CABS1: variants seen among roughly 807,000 people sequenced by gnomAD.
The protein encoded by CABS1 is calcium-binding and spermatid-specific protein 1.
For missense variants in CABS1, 500 were observed against 464.3 expected (o/e 1.08, Z -0.71); for synonymous variants, 195 against 169.0 (o/e 1.15, Z -1.19).
rs1731692433 is a variant in CABS1, at chr4:70,335,239, A to C, written c.200A>C (p.Lys67Thr). Residue 67 changes from lysine to threonine, a missense_variant, in exon 1 of 2, where the codon AAA (lysine) becomes ACA (threonine). Transcript: ENST00000273936. ...ESDFSTTTDN[K>T]LTAKKEKLKS... ...GATTTTTCAACAACTACAGACAACA[A>C]ACTGACAGCTAAAAAGGAAAAACTC... The C allele has an allele frequency of 1.9e-6, 3 of 1,613,642 alleles. No individual in the cohort carries two copies. Among genetic ancestry groups the C allele is most frequent in the Non-Finnish European group, 2.5e-6 (3 of 1,179,828 alleles).
intron 1 of CABS1, 67 bp downstream of exon 1, chr4:70,336,413 T>A: frequency 2.5e-6 from 2 of 800,412 alleles, no homozygotes; most frequent in African/African-American, 1.8e-5. Flanking sequence ...TTACGGAAAC[T>A]TAGAAAAAAA....
In CABS1 at chr4:70,336,142, C is replaced by T; in HGVS notation, c.1103C>T (p.Thr368Ile). 1 of 1,613,168 alleles carries T rather than the reference C, an allele frequency of 6.2e-7. No homozygotes were observed. The highest frequency in any genetic ancestry group is 1.7e-5 in the Admixed American group (1 of 59,912). Residue 368 changes from threonine (T) to isoleucine (I), a missense_variant, in exon 1 of 2, where the codon ACC becomes ATC. Thr to Ile is a moderately conservative substitution (Grantham distance 89, BLOSUM62 -1). Coordinates refer to ENST00000273936, the MANE Select transcript of CABS1 (RefSeq NM_033122.4). ...PFSGTTSVLD[T>I]PDYKEDTSTT... ...TCTGGAACTACCTCTGTATTAGATA[C>T]CCCAGACTATAAGGAAGACACCTCC...
Position 70,335,224 on chromosome 4 carries a change from C to G in CABS1, c.185C>G (p.Thr62Arg). The change falls in exon 1 of 2, where the codon ACA becomes AGA. Residue 62 changes from threonine (T) to arginine (R), a missense_variant. Transcript: ENST00000273936. The stretch of plus-strand genomic sequence containing the variant: ...TATATGCTAGAAAGCGATTTTTCAA[C>G]AACTACAGACAACAAACTGACAGCT... ...NEYMLESDFS[T>R]TTDNKLTAKK... The G allele has an allele frequency of 6.2e-7, 1 of 1,613,630 alleles. No individual in the cohort carries two copies. The highest frequency in any genetic ancestry group is 8.5e-7 in the Non-Finnish European group (1 of 1,179,800).
In CABS1 at chr4:70,335,483, C is replaced by T; in HGVS notation, c.444C>T (p.Thr148=). 6.2e-7 allele frequency: 1 copy of T among 1,613,662 alleles called. No individual in the cohort carries two copies. The highest frequency in any genetic ancestry group is 8.5e-7 in the Non-Finnish European group (1 of 1,179,792). ...CAAAAGAAGATATCCTCTTAGCTAC[C>T]ATTGACACAGGAGATGCAGAGATCT... The part of the protein sequence containing the change: ...DIAKEDILLA[T]IDTGDAEISI... Residue 148 remains threonine, a synonymous_variant, in exon 1 of 2, where the codon ACC becomes ACT. Transcript: ENST00000273936.
rs149882290 is a variant in CABS1 at position 70,336,092 on chromosome 4, T to A, written c.1053T>A (p.Thr351=). 5.6e-6 allele frequency: 9 copies of A among 1,613,240 alleles called. No homozygotes were observed. Among genetic ancestry groups the A allele is most frequent in the Non-Finnish European group, 7.6e-6 (9 of 1,179,514 alleles). The part of the protein sequence containing the change: ...EDLSETDNTE[T]VPKITEPFSG... ...TGTCTGAAACTGATAATACAGAGACTGTACCTAAGATCACTGAGCCATTTT... is the reference window on the plus strand; with the variant it reads ...TGTCTGAAACTGATAATACAGAGACAGTACCTAAGATCACTGAGCCATTTT... Residue 351 remains threonine (T), a synonymous_variant, in exon 1 of 2, where the codon ACT becomes ACA. Coordinates refer to ENST00000273936, the MANE Select transcript of CABS1 (RefSeq NM_033122.4).
rs143420394 is a variant in CABS1, at chr4:70,335,120, C to A, written c.81C>A (p.Phe27Leu). ...AAACACCAACTGCAGCAACCATTTT[C>A]TTTGGGGCTGACAATGCTATTCCCA... ...SSKTPTAATI[F>L]FGADNAIPKS... The change falls in exon 1 of 2, where the codon TTC becomes TTA. Residue 27 changes from phenylalanine (F) to leucine (L), a missense_variant. Transcript: ENST00000273936. 1.2e-6 allele frequency: 2 copies of A among 1,613,668 alleles called. No individual in the cohort carries two copies. Among genetic ancestry groups the A allele is most frequent in the African/African-American group, 1.3e-5 (1 of 74,894 alleles).
intron 1 of CABS1, among the ~76,000 whole-genome samples, chr4:70,336,662 A>C (rs999992664): frequency 2.8e-5 from 4 of 143,144 alleles, no homozygotes; most frequent in Non-Finnish European, 6.4e-5. Context: ...TAGCCTAAAA[A>C]GTTCTCCCAA....
chr4:70,335,307 A>G lies in CABS1; in HGVS notation c.268A>G (p.Thr90Ala). 1.2e-6 allele frequency: 2 copies of G among 1,613,764 alleles called. No homozygotes were observed. The highest frequency in any genetic ancestry group is 1.7e-6 in the Non-Finnish European group (2 of 1,179,868). The change falls in exon 1 of 2, where the codon ACT (threonine) becomes GCT (alanine). Residue 90 changes from threonine to alanine, a missense_variant. Coordinates refer to ENST00000273936, the MANE Select transcript of CABS1 (RefSeq NM_033122.4). ...GGGGACCGACTTTATTAAGTCAACA[A>G]CTCACCTACAGAAAGAAATTACCTC... The part of the protein sequence containing the change: ...DMGTDFIKST[T>A]HLQKEITSLT...
At position 70,335,205 on chromosome 4, in the gene CABS1, C is replaced by G; in HGVS notation, c.166C>G (p.Leu56Val). Residue 56 changes from leucine to valine, a missense_variant, in exon 1 of 2, where the codon CTA becomes GTA. Coordinates refer to ENST00000273936, the MANE Select transcript of CABS1 (RefSeq NM_033122.4). ...CGTCACTTCAGTAAATGAATATATG[C>G]TAGAAAGCGATTTTTCAACAACTAC... ...DHVTSVNEYM[L>V]ESDFSTTTDN... The G allele has an allele frequency of 6.2e-7, 1 of 1,613,698 alleles. No homozygotes were observed. Among genetic ancestry groups the G allele is most frequent in the Non-Finnish European group, 8.5e-7 (1 of 1,179,818 alleles).
At chr4:70,336,422 A>G in intron 1 of CABS1, 76 bp downstream of exon 1, 1 of 692,420 alleles carries the variant, frequency 1.4e-6, no homozygotes. Flanking sequence ...CTTAGAAAAA[A>G]AAACCGCAGT....
In CABS1 at chr4:70,335,796, G is replaced by T. The variant is rs774608250; in HGVS notation, c.757G>T (p.Ala253Ser). ...AAGTGTTTTAGAAGATGACACCAGT[G>T]CTGTGGCTACATTAACTGACTCTGA... ...DLSVLEDDTSAVATLTDSDEK... is the reference protein window; with the variant it reads ...DLSVLEDDTSSVATLTDSDEK... The change falls in exon 1 of 2, where the codon GCT becomes TCT. Residue 253 changes from alanine (A) to serine (S), a missense_variant. Transcript: ENST00000273936. 1 of 1,613,586 alleles carries T rather than the reference G, an allele frequency of 6.2e-7. No individual in the cohort carries two copies. Among genetic ancestry groups the T allele is most frequent in the Non-Finnish European group, 8.5e-7 (1 of 1,179,724 alleles).
rs374072903 is a variant in CABS1, at chr4:70,335,814, G to A, written c.775G>A (p.Asp259Asn). ...DDTSAVATLT[D>N]SDEKFITVFE... ...CACCAGTGCTGTGGCTACATTAACT[G>A]ACTCTGATGAGAAGTTTATCACTGT... Residue 259 changes from aspartate (D) to asparagine (N), a missense_variant, in exon 1 of 2, where the codon GAC (aspartate) becomes AAC (asparagine). Transcript: ENST00000273936. 7.4e-6 allele frequency: 12 copies of A among 1,613,444 alleles called. No individual in the cohort carries two copies. Among genetic ancestry groups the A allele is most frequent in the African/African-American group, 2.7e-5 (2 of 74,864 alleles).
In CABS1 at chr4:70,335,646, G is replaced by A. The variant is rs764456613; in HGVS notation, c.607G>A (p.Glu203Lys). Residue 203 changes from glutamate (E) to lysine (K), a missense_variant, in exon 1 of 2, where the codon GAG (glutamate) becomes AAG (lysine). Physicochemically the swap from Glu to Lys is moderately conservative, Grantham distance 56 (BLOSUM62 1). Transcript: ENST00000273936. ...SSIKSNVPAD[E>K]AVQVTDSTIP... The stretch of plus-strand genomic sequence containing the variant: ...CATCAAATCCAATGTCCCTGCTGAT[G>A]AGGCTGTCCAGGTCACTGATTCCAC... The A allele has an allele frequency of 8.7e-6, 14 of 1,613,422 alleles. No homozygotes were observed. In the African/African-American group the frequency reaches 9.3e-5, roughly 11 times the overall value.
rs761904942 is a variant in CABS1 at position 70,335,804 on chromosome 4, T to A, written c.765T>A (p.Ala255=). ...SVLEDDTSAV[A]TLTDSDEKFI... Reference sequence around the variant, plus strand: ...TAGAAGATGACACCAGTGCTGTGGCTACATTAACTGACTCTGATGAGAAGT... The same window carrying A: ...TAGAAGATGACACCAGTGCTGTGGCAACATTAACTGACTCTGATGAGAAGT... Residue 255 remains alanine, a synonymous_variant, in exon 1 of 2, where the codon GCT becomes GCA. Transcript: ENST00000273936. 5 of 1,613,658 alleles carry A rather than the reference T, an allele frequency of 3.1e-6. 1 individual carries two copies. The South Asian group carries it at 5.5e-5, about 18-fold the overall frequency.
rs1487500931 is a variant in CABS1, at chr4:70,337,000, C to A, written c.*154C>A. On this transcript the variant is annotated 3_prime_UTR_variant, in exon 2 of 2. Transcript: ENST00000273936. Reference sequence around the variant, plus strand: ...ACTGAATATCACACTCTTCTTATGACTCTTGTTAGCGATTCAAGGACATAA... The same window carrying A: ...ACTGAATATCACACTCTTCTTATGAATCTTGTTAGCGATTCAAGGACATAA... The A allele has an allele frequency of 6.7e-6, 1 of 149,114 alleles. No individual in the cohort carries two copies. Among genetic ancestry groups the A allele is most frequent in the African/African-American group, 2.4e-5 (1 of 41,178 alleles). The allele number at this position is 149,114 out of a possible 1,614,324, so 9.2% of individuals were successfully genotyped here.
At chr4:70,336,878 G>T (rs1397935807) in intron 1 of CABS1, 88 bp from the exon 2 acceptor site, 6 of 152,274 alleles carry the variant, frequency 3.9e-5, no homozygotes, top group Non-Finnish European at 5.9e-5. Context: ...ATGCATATTT[G>T]TCAGAAAAAT....
rs1018791902 is a variant in CABS1 at position 70,337,066 on chromosome 4, G to A, written c.*220G>A. The A allele has an allele frequency of 6.6e-6, 1 of 152,222 alleles. No individual in the cohort carries two copies. Among genetic ancestry groups the A allele is most frequent in the African/African-American group, 2.4e-5 (1 of 41,376 alleles). The allele number at this position is 152,222 out of a possible 1,614,324, so 9.4% of individuals were successfully genotyped here. On this transcript the variant is annotated 3_prime_UTR_variant, in exon 2 of 2. Transcript: ENST00000273936. The stretch of plus-strand genomic sequence containing the variant: ...TGGCACAGACTACTTAAATGGGTCT[G>A]TTTTCACTTTGCTCATTTTTCTTCA...
At position 70,335,774 on chromosome 4, in the gene CABS1, T is replaced by C. The variant is rs771653842; in HGVS notation, c.735T>C (p.Ser245=). Residue 245 remains serine (S), a synonymous_variant, in exon 1 of 2, where the codon AGT becomes AGC. Coordinates refer to ENST00000273936, the MANE Select transcript of CABS1 (RefSeq NM_033122.4). The part of the protein sequence containing the change: ...EEEKITEIDL[S]VLEDDTSAVA... ...AGAAAATAACCGAAATTGACCTAAG[T>C]GTTTTAGAAGATGACACCAGTGCTG... The C allele has an allele frequency of 2.6e-5, 42 of 1,613,462 alleles. No homozygotes were observed. The East Asian group carries it at 8.7e-4, about 33-fold the overall frequency.
Position 70,335,636 on chromosome 4 carries a change from C to A in CABS1, c.597C>A (p.Val199=). 6.2e-7 allele frequency: 1 copy of A among 1,613,540 alleles called. No individual in the cohort carries two copies. The highest frequency in any genetic ancestry group is 1.1e-5 in the South Asian group (1 of 91,066). ...ATAATTCCTCCATCAAATCCAATGT[C>A]CCTGCTGATGAGGCTGTCCAGGTCA... ...SNYNSSIKSN[V]PADEAVQVTD... Residue 199 remains valine (V), a synonymous_variant, in exon 1 of 2, where the codon GTC becomes GTA. Transcript: ENST00000273936.
Sources: allele counts gnomAD v4.1 joint callset (sites outside exome capture counted in the v4.1 genomes callset), GRCh38; gene constraint gnomAD v4.1.1; transcripts MANE v1.5; gene names NCBI Gene and HGNC (gene_info 2026-07-23, HGNC 2026-07-21).